ENTREP2: variants seen among roughly 807,000 people sequenced by gnomAD.
ENTREP2 encodes protein ENTREP2.
At chr15:29,642,552 CACATATATATACTATAT>C in the ENTREP2 span, among the ~76,000 whole-genome samples, 15 of 147,104 alleles carry the variant, frequency 1.0e-4, no homozygotes, top group Admixed American at 3.4e-4. Flanking sequence ...TACATATATA[CACATATATATACTATAT>C]ACTATATATA....
the ENTREP2 span, among the ~76,000 whole-genome samples, chr15:29,578,001 G>T: frequency 6.6e-6 from 1 of 152,154 alleles, no homozygotes; most frequent in African/African-American, 2.4e-5. Context: ...CCTGGAGATG[G>T]TTGGTGGTGC....
At chr15:29,569,930 G>A in the ENTREP2 span, 5 of 152,080 alleles carry the variant, frequency 3.3e-5, no homozygotes, top group Non-Finnish European at 7.3e-5. Flanking sequence ...GGCGGACGCG[G>A]GAAACCAGAA....
chr15:29,195,205 C>T, the ENTREP2 span: 1 of 985,416 alleles, frequency 1.0e-6, no homozygotes, highest in Non-Finnish European at 1.2e-6. Context: ...CTGGGACCAT[C>T]CAACTTGGAC....
At chr15:29,343,025 A>T in the ENTREP2 span, among the ~76,000 whole-genome samples, 1 of 37,622 alleles carries the variant, frequency 2.7e-5, no homozygotes, top group Admixed American at 2.8e-4. Flanking sequence ...GGTAAAAAGG[A>T]ATGGGGGGGG....
chr15:29,599,251 G>T, the ENTREP2 span, among the ~76,000 whole-genome samples: 1 of 152,212 alleles, frequency 6.6e-6, no homozygotes, highest in African/African-American at 2.4e-5. Flanking sequence ...TTAAGTAAGA[G>T]AAATAATAAT....
the ENTREP2 span, among the ~76,000 whole-genome samples, chr15:29,153,321 A>G: frequency 6.6e-6 from 1 of 152,172 alleles, no homozygotes; most frequent in Non-Finnish European, 1.5e-5. Context: ...TAGACCAGGT[A>G]GCTCTAACAA....
At chr15:29,566,741 GCCAA>G in the ENTREP2 span, among the ~76,000 whole-genome samples, 1 of 79,486 alleles carries the variant, frequency 1.3e-5, no homozygotes, top group African/African-American at 4.2e-5. Flanking sequence ...ACAGGCATGA[GCCAA>G]CCATGCCCAG....
chr15:29,120,830 G>A, the ENTREP2 span: 1 of 152,302 alleles, frequency 6.6e-6, no homozygotes, highest in Admixed American at 6.5e-5. Context: ...TGCAGCCCGG[G>A]GCCTGGGCTC....
chr15:29,586,732 G>A, the ENTREP2 span, among the ~76,000 whole-genome samples: 2 of 148,844 alleles, frequency 1.3e-5, no homozygotes, highest in African/African-American at 4.9e-5. Context: ...CTGGGCAACA[G>A]AGCAAGATAC....
the ENTREP2 span, among the ~76,000 whole-genome samples, chr15:29,275,750 G>C: frequency 6.6e-6 from 1 of 152,116 alleles, no homozygotes; most frequent in African/African-American, 2.4e-5. Context: ...CTTCATTCAT[G>C]GTATTTCTTG....
chr15:29,616,882 C>G, the ENTREP2 span, among the ~76,000 whole-genome samples: 1 of 151,928 alleles, frequency 6.6e-6, no homozygotes, highest in East Asian at 1.9e-4. Flanking sequence ...TCAGACCAGC[C>G]TGGCCCATCT....
At chr15:29,466,841 C>T in the ENTREP2 span, among the ~76,000 whole-genome samples, 2 of 141,976 alleles carry the variant, frequency 1.4e-5, no homozygotes, top group Non-Finnish European at 1.5e-5. Context: ...TGCTGCAGCC[C>T]CCAGGGGAGG....
the ENTREP2 span, among the ~76,000 whole-genome samples, chr15:29,174,817 T>C: frequency 7.9e-5 from 12 of 152,196 alleles, no homozygotes; most frequent in Non-Finnish European, 1.2e-4. Flanking sequence ...GGTATCTATT[T>C]CATAGGTAGA....
At chr15:29,397,098 A>G in the ENTREP2 span, among the ~76,000 whole-genome samples, 1 of 152,188 alleles carries the variant, frequency 6.6e-6, no homozygotes, top group Non-Finnish European at 1.5e-5. Context: ...AAAAAAATTT[A>G]CTGAGAGGCC....
chr15:29,606,411 T>G, the ENTREP2 span, among the ~76,000 whole-genome samples: 1 of 151,990 alleles, frequency 6.6e-6, no homozygotes, highest in Non-Finnish European at 1.5e-5. Flanking sequence ...ATTTTCTGTA[T>G]TTTTAGTAGA....
the ENTREP2 span, among the ~76,000 whole-genome samples, chr15:29,408,379 A>G: frequency 6.6e-6 from 1 of 151,648 alleles, no homozygotes; most frequent in Non-Finnish European, 1.5e-5. Context: ...TGGGCTCAGG[A>G]GCTGGGAAAT....
chr15:29,266,801 T>A, the ENTREP2 span: 2 of 152,210 alleles, frequency 1.3e-5, no homozygotes, highest in Admixed American at 6.5e-5. Flanking sequence ...GGAAAAGATA[T>A]AAGGCCTTGA....
chr15:29,123,698 T>G, the ENTREP2 span: 5 of 1,508,666 alleles, frequency 3.3e-6, no homozygotes, highest in Non-Finnish European at 4.5e-6. Flanking sequence ...CTCACTGAAA[T>G]AAGAAGTTAA....
chr15:29,135,565 C>T, the ENTREP2 span, among the ~76,000 whole-genome samples: 3 of 152,212 alleles, frequency 2.0e-5, no homozygotes, highest in African/African-American at 4.8e-5. This position sits in a 1 kb window ranked among gnomAD's most constrained non-coding sequence, Gnocchi z 7.4. Flanking sequence ...GGGTGACTGA[C>T]TTGCTGAATT....
Sources: allele counts gnomAD v4.1 joint callset (sites outside exome capture counted in the v4.1 genomes callset), GRCh38; gene constraint gnomAD v4.1.1; non-coding constraint Gnocchi (gnomAD v3.1); transcripts MANE v1.5; gene names NCBI Gene and HGNC (gene_info 2026-07-23, HGNC 2026-07-21).